Variants in GNG7 observed in about 807,000 individuals in gnomAD.
GNG7 encodes the protein guanine nucleotide-binding protein G(I)/G(S)/G(O) subunit gamma-7.
GNG7 carries 1 observed loss-of-function variant against 4.0 expected under a neutral mutation model. The ratio of observed to expected loss-of-function variants is 0.25; its 90% CI spans 0.09 to 1.18. The LOEUF (loss-of-function observed/expected upper bound fraction) is 1.18, where lower values mean the gene tolerates loss of function less well. Ranked by LOEUF, GNG7 falls within the 50% of genes most tolerant of loss-of-function variation. The pLI is 0.50. For synonymous variants in GNG7, 34 were observed against 36.9 expected, an observed-to-expected ratio of 0.92 and a Z score of 0.29; for missense variants, 86 against 91.9, an observed-to-expected ratio of 0.94 and a Z score of 0.26.
At chr19:2,686,730 G>T (rs1452220834) in intron 1 of GNG7, among the ~76,000 whole-genome samples, 1 of 151,612 alleles carries the variant, frequency 6.6e-6, no homozygotes, top group Non-Finnish European at 1.5e-5. Context: ...GGTCAAAAGA[G>T]ACTTTACTTA....
chr19:2,634,985 G>A lies in GNG7; in HGVS notation c.-78+11239C>T, dbSNP rs527713333. 1.3e-5 allele frequency among the ~76,000 whole-genome samples: 2 copies of A among 152,302 alleles called. No individual in the cohort carries two copies. The highest frequency in any genetic ancestry group is 1.9e-4 in the East Asian group (1 of 5,180). On this transcript the variant is annotated intron_variant, in intron 2 of 4. Transcript: ENST00000382159. This position sits in a 1 kb window ranked among gnomAD's most constrained non-coding sequence, Gnocchi z 5.3. ...AGTTCTTCCGCACTCAGTGAGGCAA[G>A]AAGCAAAAAGGCTGAAGAAATGCTT...
intron 3 of GNG7, among the ~76,000 whole-genome samples, chr19:2,532,137 C>G (rs571250068): frequency 7.4e-6 from 1 of 135,944 alleles, no homozygotes; most frequent in African/African-American, 2.8e-5. Context: ...GGCAAAAGAA[C>G]GAGACTCCGT....
intron 3 of GNG7, among the ~76,000 whole-genome samples, chr19:2,537,601 A>G (rs562670416): frequency 3.3e-5 from 5 of 152,332 alleles, no homozygotes; most frequent in Admixed American, 3.3e-4. Flanking sequence ...TCAACATATA[A>G]TACACTGAGC....
chr19:2,550,179 G>A (rs1293024577), intron 3 of GNG7, among the ~76,000 whole-genome samples: 2 of 152,170 alleles, frequency 1.3e-5, no homozygotes, highest in Non-Finnish European at 2.9e-5. Context: ...AGAAGGAGCG[G>A]CTGGGAGGCA....
intron 2 of GNG7, among the ~76,000 whole-genome samples, chr19:2,589,983 T>C (rs1980791560): frequency 6.6e-6 from 1 of 152,174 alleles, no homozygotes; most frequent in Non-Finnish European, 1.5e-5. Context: ...AGCTAATTTT[T>C]GTATTTTTAG....
chr19:2,598,922 G>C (rs902322209), intron 2 of GNG7, among the ~76,000 whole-genome samples: 1 of 152,108 alleles, frequency 6.6e-6, no homozygotes, highest in Admixed American at 6.5e-5. Context: ...CTAACTTCCA[G>C]CTCACCTCAA....
chr19:2,596,370 T>TAA (rs11448195), intron 2 of GNG7, among the ~76,000 whole-genome samples: 1 of 151,364 alleles, frequency 6.6e-6, no homozygotes, highest in Admixed American at 6.6e-5. Flanking sequence ...AAAATTAAAA[T>TAA]AAAAAATAGT....
intron 1 of GNG7, among the ~76,000 whole-genome samples, chr19:2,689,923 T>C (rs1056199575): frequency 6.6e-6 from 1 of 152,184 alleles, no homozygotes; most frequent in African/African-American, 2.4e-5. Context: ...TACACCATGG[T>C]AGCAGAATAC....
intron 2 of GNG7, among the ~76,000 whole-genome samples, chr19:2,602,742 C>G (rs117414438): frequency 1.3e-5 from 2 of 152,154 alleles, no homozygotes; most frequent in African/African-American, 4.8e-5. Context: ...GAGGGCCACC[C>G]GGCCCTCCCC....
At chr19:2,686,393 G>C (rs1350425401) in intron 1 of GNG7, among the ~76,000 whole-genome samples, 2 of 152,136 alleles carry the variant, frequency 1.3e-5, no homozygotes, top group South Asian at 4.1e-4. Context: ...ACTGGCCTCA[G>C]GTGATCCACC....
chr19:2,534,125 A>C (rs1326278684), intron 3 of GNG7, among the ~76,000 whole-genome samples: 1 of 152,208 alleles, frequency 6.6e-6, no homozygotes, highest in Non-Finnish European at 1.5e-5. Context: ...TGAAGTCAGC[A>C]TCTGAAAAAA....
At chr19:2,525,970 A>ATTTT (rs1568231777) in intron 3 of GNG7, among the ~76,000 whole-genome samples, 1 of 26,782 alleles carries the variant, frequency 3.7e-5, no homozygotes, top group African/African-American at 2.9e-4. Context: ...CCTCCACGCC[A>ATTTT]ATTTTTTTTT....
intron 1 of GNG7, among the ~76,000 whole-genome samples, chr19:2,661,285 A>AG (rs372826185): frequency 0.075 from 4,832 of 64,542 alleles, 370 homozygotes; most frequent in East Asian, 0.23. Flanking sequence ...AAAGAAAGAA[A>AG]GAAAGAAAGA....
At chr19:2,534,313 T>G (rs1259260412) in intron 3 of GNG7, among the ~76,000 whole-genome samples, 4 of 152,068 alleles carry the variant, frequency 2.6e-5, no homozygotes, top group Non-Finnish European at 4.4e-5. Flanking sequence ...TCCGCTCCAC[T>G]CCCCACTCCC....
intron 2 of GNG7, among the ~76,000 whole-genome samples, chr19:2,631,162 G>C (rs1173747434): frequency 2.0e-5 from 3 of 152,184 alleles, no homozygotes; most frequent in African/African-American, 7.2e-5. Context: ...TTAACCCCTT[G>C]AGAGGCAGGC....
chr19:2,602,390 T>C (rs1203808273), intron 2 of GNG7, among the ~76,000 whole-genome samples: 3 of 152,344 alleles, frequency 2.0e-5, no homozygotes, highest in African/African-American at 7.2e-5. Flanking sequence ...CTGCGTCCTC[T>C]GCAGGCCCTG....
At chr19:2,685,404 G>C (rs1305673152) in intron 1 of GNG7, among the ~76,000 whole-genome samples, 1 of 152,046 alleles carries the variant, frequency 6.6e-6, no homozygotes, top group Non-Finnish European at 1.5e-5. Context: ...CTGAAGGATA[G>C]CTTGAGCCTA....
chr19:2,699,752 C>T (rs1212578041), intron 1 of GNG7, among the ~76,000 whole-genome samples: 2 of 152,168 alleles, frequency 1.3e-5, no homozygotes, highest in Non-Finnish European at 2.9e-5. Flanking sequence ...TGCTCGGCAC[C>T]CTGCAGTGCC....
intron 2 of GNG7, among the ~76,000 whole-genome samples, chr19:2,622,077 T>TG (rs1981888270): frequency 6.7e-6 from 1 of 148,460 alleles, no homozygotes; most frequent in Non-Finnish European, 1.5e-5. Flanking sequence ...CATCAACTTT[T>TG]TTTTTTTTTC....
Sources: gnomAD v4.1 joint callset for allele counts (sites outside exome capture counted in the v4.1 genomes callset) on GRCh38, gnomAD v4.1.1 for gene constraint, Gnocchi (gnomAD v3.1) non-coding constraint, MANE v1.5 for transcripts, NCBI Gene and HGNC (gene_info 2026-07-23, HGNC 2026-07-21) for gene names.